Variants in ADAMTSL2 observed in about 807,000 individuals in gnomAD.
ADAMTSL2 encodes ADAMTS-like protein 2.
A neutral mutation model predicts 117.0 loss-of-function variants in ADAMTSL2; 55 were observed. The observed-to-expected ratio is 0.47, with a 90% CI of 0.38 to 0.59. The LOEUF (loss-of-function observed/expected upper bound fraction) is 0.59. Ranked by LOEUF, ADAMTSL2 falls within the 20% of genes least tolerant of loss-of-function variation. ADAMTSL2 has a pLI of 0.00. For missense variants in ADAMTSL2, 1,182 were observed against 1,354.5 expected (o/e 0.87, Z 2.00); for synonymous variants, 572 against 566.4 (o/e 1.01, Z -0.14).
intron 9 of ADAMTSL2, among the ~76,000 whole-genome samples, chr9:133,553,657 G>A (rs1830539092): frequency 6.6e-6 from 1 of 152,190 alleles, no homozygotes; most frequent in African/African-American, 2.4e-5. Flanking sequence ...CGTTGCCTCT[G>A]CCAGCCCGTG....
chr9:133,542,485 A>C lies in ADAMTSL2; in HGVS notation c.682+1484A>C, dbSNP rs531643581. 4.4e-4 allele frequency among the ~76,000 whole-genome samples: 67 copies of C among 152,282 alleles called. No homozygotes were observed. The South Asian group carries it at 0.014, about 31-fold the overall frequency. ...AGTGTGTGCCAGGCACTGTGCACACAGTGAGGCCTGAGAGATAGGGCTCAT... is the reference window on the plus strand; with the variant it reads ...AGTGTGTGCCAGGCACTGTGCACACCGTGAGGCCTGAGAGATAGGGCTCAT... On this transcript the variant is annotated intron_variant, in intron 7 of 18. Transcript: ENST00000651351.
chr9:133,556,923 A>G (rs142288803), intron 11 of ADAMTSL2, among the ~76,000 whole-genome samples: 183 of 152,304 alleles, frequency 1.2e-3, no homozygotes, highest in Non-Finnish European at 2.2e-3. Flanking sequence ...TTCTCCCAGC[A>G]ACTCACATGT....
Position 133,537,385 on chromosome 9 carries a change from TG to T in ADAMTSL2, c.91-15del. On this transcript the variant is annotated intron_variant, in intron 2 of 18. Coordinates refer to ENST00000651351, the MANE Select transcript of ADAMTSL2 (RefSeq NM_014694.4). ...CTGGGCACTTGAGCCCTCTACCATC[TG>T]GGGGTCCCTCTCACCCAGGACAACA... is the stretch of plus-strand genomic sequence containing the variant. The T allele has an allele frequency of 7.5e-7, 1 of 1,333,222 alleles. No individual in the cohort carries two copies. The allele number at this position is 1,333,222 out of a possible 1,614,324, so 82.6% of individuals were successfully genotyped here.
chr9:133,553,376 C>T (rs895914561), intron 9 of ADAMTSL2, among the ~76,000 whole-genome samples: 9 of 152,152 alleles, frequency 5.9e-5, no homozygotes, highest in African/African-American at 1.7e-4. Flanking sequence ...CTGCAGGACA[C>T]GAGGGTGTCT....
rs1346656596 is a variant in ADAMTSL2, at chr9:133,557,705, G to A, written c.1649+1775G>A. On this transcript the variant is annotated intron_variant, in intron 11 of 18. Coordinates refer to ENST00000651351, the MANE Select transcript of ADAMTSL2 (RefSeq NM_014694.4). This position sits in a 1 kb window ranked among gnomAD's most constrained non-coding sequence, Gnocchi z 5.2. ...CTGGTATTCCGTGTGTGAGGCCCACGGTAAGGCCTCCAGTAAGTAGAAGCT... is the reference window on the plus strand; with the variant it reads ...CTGGTATTCCGTGTGTGAGGCCCACAGTAAGGCCTCCAGTAAGTAGAAGCT... Among the ~76,000 whole-genome samples, 1 of 152,190 alleles carries A rather than the reference G, an allele frequency of 6.6e-6. No individual in the cohort carries two copies. Among genetic ancestry groups the A allele is most frequent in the Admixed American group, 6.5e-5 (1 of 15,282 alleles).
At chr9:133,560,801 G>A (rs1254398531) in intron 11 of ADAMTSL2, among the ~76,000 whole-genome samples, 8 of 152,320 alleles carry the variant, frequency 5.3e-5, no homozygotes, top group African/African-American at 1.9e-4. Flanking sequence ...ACCTTCTGAG[G>A]TCCCCTCCCC....
Position 133,561,203 on chromosome 9 carries a change from G to T in ADAMTSL2, c.1655G>T (p.Arg552Met). 6.2e-7 allele frequency: 1 copy of T among 1,606,070 alleles called. No homozygotes were observed. The highest frequency in any genetic ancestry group is 1.1e-5 in the South Asian group (1 of 89,264). The change falls in exon 12 of 19, where the codon AGG becomes ATG. Residue 552 changes from arginine to methionine, a missense_variant. By Grantham distance (91) the Arg-to-Met change is moderately conservative (BLOSUM62 -1). Transcript: ENST00000651351. ...AGNRTHKARTRPKARKQGVSP... is the reference protein window; with the variant it reads ...AGNRTHKARTMPKARKQGVSP... ...CTGCTTGGTCTCGCTTTCAGGACCAGGCCCAAGGCGCGCAAGCAAGGCGTG... is the reference window on the plus strand; with the variant it reads ...CTGCTTGGTCTCGCTTTCAGGACCATGCCCAAGGCGCGCAAGCAAGGCGTG...
Position 133,555,615 on chromosome 9 carries a change from C to G in ADAMTSL2, c.1334C>G (p.Thr445Ser), listed in dbSNP as rs1830587864. 1 of 1,613,392 alleles carries G rather than the reference C, an allele frequency of 6.2e-7. No individual in the cohort carries two copies. Among genetic ancestry groups the G allele is most frequent in the African/African-American group, 1.3e-5 (1 of 75,080 alleles). ...TGDKDDEEVD[T>S]HFASQEFFSA... Reference sequence around the variant, plus strand: ...GACAAGGATGACGAAGAGGTTGACACCCACTTCGCCTCCCAGGAGTTCTTC... The same window carrying G: ...GACAAGGATGACGAAGAGGTTGACAGCCACTTCGCCTCCCAGGAGTTCTTC... The change falls in exon 11 of 19, where the codon ACC becomes AGC. Residue 445 changes from threonine to serine, a missense_variant. Physicochemically the swap from Thr to Ser is moderately conservative, Grantham distance 58. Transcript: ENST00000651351.
Position 133,567,004 on chromosome 9 carries a change from G to A in ADAMTSL2, c.1816G>A (p.Ala606Thr), listed in dbSNP as rs982290132. The change falls in exon 13 of 19, where the codon GCC (alanine) becomes ACC (threonine). Residue 606 changes from alanine to threonine, a missense_variant. Coordinates refer to ENST00000651351, the MANE Select transcript of ADAMTSL2 (RefSeq NM_014694.4). ...GVEVDDSYCD[A>T]LTRPEPVHEF... is the part of the protein sequence containing the mutation. Reference sequence around the variant, plus strand: ...CGAGGTGGATGACAGCTACTGTGACGCCCTGACCCGTCCCGAGCCTGTCCA... The same window carrying A: ...CGAGGTGGATGACAGCTACTGTGACACCCTGACCCGTCCCGAGCCTGTCCA... 1.9e-5 allele frequency: 30 copies of A among 1,611,166 alleles called. No homozygotes were observed. The highest frequency in any genetic ancestry group is 6.7e-5 in the African/African-American group (5 of 74,892).
In ADAMTSL2 at chr9:133,568,439, C is replaced by T. The variant is rs1254811002; in HGVS notation, c.2041C>T (p.Arg681Trp). 4.2e-5 allele frequency: 68 copies of T among 1,608,554 alleles called. No homozygotes were observed. The East Asian group carries it at 4.5e-4, about 11-fold the overall frequency. ...AVRPEERKTCRNPACGPQWEM... is the reference protein window; with the variant it reads ...AVRPEERKTCWNPACGPQWEM... Reference sequence around the variant, plus strand: ...GCGGCCCGAGGAACGCAAGACCTGCCGGAACCCCGCCTGCGGGCCCCAGTG... The same window carrying T: ...GCGGCCCGAGGAACGCAAGACCTGCTGGAACCCCGCCTGCGGGCCCCAGTG... Residue 681 changes from arginine to tryptophan, a missense_variant, in exon 14 of 19, where the codon CGG (arginine) becomes TGG (tryptophan). Physicochemically the swap from Arg to Trp is moderately radical, Grantham distance 101. Transcript: ENST00000651351.
Position 133,558,056 on chromosome 9 carries a change from T to A in ADAMTSL2, c.1649+2126T>A, listed in dbSNP as rs1830644389. ...CAAGCTTACGGATCCTCAAGCCGCT[T>A]TGTAAAGAGTCTCTCCTGCCCCATC... On this transcript the variant is annotated intron_variant, in intron 11 of 18. Transcript: ENST00000651351. The surrounding 1 kb of genome is among the most constrained non-coding windows in gnomAD (Gnocchi z 4.3). 6.6e-6 allele frequency among the ~76,000 whole-genome samples: 1 copy of A among 152,110 alleles called. No individual in the cohort carries two copies. The highest frequency in any genetic ancestry group is 2.1e-4 in the South Asian group (1 of 4,820).
At chr9:133,570,262 G>T in intron 16 of ADAMTSL2, 69 bp from the exon 17 acceptor site, 2 of 1,510,754 alleles carry the variant, frequency 1.3e-6, no homozygotes, top group Non-Finnish European at 1.8e-6. Flanking sequence ...CACCAGAGTC[G>T]CCGTGGGCCC....
rs977703506 is a variant in ADAMTSL2, at chr9:133,557,430, A to T, written c.1649+1500A>T. Among the ~76,000 whole-genome samples, 3 of 151,408 alleles carry T rather than the reference A, an allele frequency of 2.0e-5. No individual in the cohort carries two copies. The highest frequency in any genetic ancestry group is 7.3e-5 in the African/African-American group (3 of 41,114). Reference sequence around the variant, plus strand: ...AGGGGTGGCACAGGGCTGTCTGCTCACCCTTTACCTTGGCATGCTCAAAGC... The same window carrying T: ...AGGGGTGGCACAGGGCTGTCTGCTCTCCCTTTACCTTGGCATGCTCAAAGC... On this transcript the variant is annotated intron_variant, in intron 11 of 18. Transcript: ENST00000651351. The surrounding 1 kb of genome is among the most constrained non-coding windows in gnomAD (Gnocchi z 5.2).
At chr9:133,573,796 G>A in intron 17 of ADAMTSL2, 47 bp from the exon 18 acceptor site, 1 of 1,612,798 alleles carries the variant, frequency 6.2e-7, no homozygotes, top group Non-Finnish European at 8.5e-7. Flanking sequence ...CCAGGCCCCT[G>A]CCCCATCAGG....
rs1380160637 is a variant in ADAMTSL2 at position 133,562,621 on chromosome 9, G to C, written c.1747+1326G>C. The stretch of plus-strand genomic sequence containing the variant: ...CCGTGGGCGGCGTGGCGGGCACCCG[G>C]CTGGGCCCGGTTCGCACCGCCGTGG... On this transcript the variant is annotated intron_variant, in intron 12 of 18. Coordinates refer to ENST00000651351, the MANE Select transcript of ADAMTSL2 (RefSeq NM_014694.4). 3.5e-5 allele frequency among the ~76,000 whole-genome samples: 4 copies of C among 113,734 alleles called. 2 individuals are homozygous for C. The highest frequency in any genetic ancestry group is 1.4e-4 in the African/African-American group (4 of 29,000). The allele number at this position is 113,734 out of a possible 152,430, so 74.6% of individuals were successfully genotyped here.
chr9:133,536,031 A>G (rs534044382), intron 1 of ADAMTSL2, among the ~76,000 whole-genome samples: 1 of 152,174 alleles, frequency 6.6e-6, no homozygotes, highest in Admixed American at 6.5e-5. Context: ...CCCTCCCCCA[A>G]TTCCATCTTC....
At chr9:133,564,249 G>A (rs1176495500) in intron 12 of ADAMTSL2, among the ~76,000 whole-genome samples, 152 of 10,892 alleles carry the variant, frequency 0.014, no homozygotes, top group East Asian at 0.022. Flanking sequence ...AGAGAAAGAG[G>A]GAGAGAGAGA....
chr9:133,532,865 G>A (rs1211181528), upstream of ADAMTSL2, among the ~76,000 whole-genome samples: 1 of 152,212 alleles, frequency 6.6e-6, no homozygotes, highest in Non-Finnish European at 1.5e-5. Context: ...AGAGCCAGGG[G>A]ATGGCTGGCC....
At chr9:133,568,193 G>T (rs991375010) in intron 13 of ADAMTSL2, 80 bp from the exon 14 acceptor site, 5 of 1,430,120 alleles carry the variant, frequency 3.5e-6, no homozygotes, top group Non-Finnish European at 2.9e-6. Flanking sequence ...GAGGAGCCGC[G>T]TTGTCTCTGG....
Sources: allele counts gnomAD v4.1 joint callset (sites outside exome capture counted in the v4.1 genomes callset), GRCh38; gene constraint gnomAD v4.1.1; non-coding constraint Gnocchi (gnomAD v3.1); transcripts MANE v1.5; gene names NCBI Gene and HGNC (gene_info 2026-07-23, HGNC 2026-07-21).